The following AFF1 variants were observed in gnomAD, a reference collection of about 807,000 sequenced individuals.
The protein encoded by AFF1 is AF4/FMR2 family member 1.
In AFF1, 48 loss-of-function variants were observed where a neutral mutation model predicts 121.7. That is an observed-to-expected ratio of 0.39 (90% CI 0.31 to 0.50). The LOEUF is 0.50. AFF1 is among the 20% of genes least tolerant of loss of function. The pLI is 0.76. For synonymous variants in AFF1, 613 were observed against 563.0 expected (o/e 1.09, Z -1.26); for missense variants, 1,523 against 1,511.7 (o/e 1.01, Z -0.12).
intron 4 of AFF1, among the ~76,000 whole-genome samples, chr4:87,076,693 T>C (rs1398673443): frequency 6.6e-6 from 1 of 152,250 alleles, no homozygotes; most frequent in Non-Finnish European, 1.5e-5. Context: ...ATTTGGACTA[T>C]AACTGTGCTC....
chr4:86,979,786 A>G (rs985706095), intron 2 of AFF1, among the ~76,000 whole-genome samples: 25 of 152,198 alleles, frequency 1.6e-4, no homozygotes, highest in South Asian at 2.1e-4. Context: ...TACTGTGCTT[A>G]CATACATAGC....
chr4:86,981,154 A>G (rs1690014192), intron 2 of AFF1, among the ~76,000 whole-genome samples: 1 of 151,352 alleles, frequency 6.6e-6, no homozygotes, highest in African/African-American at 2.4e-5. Context: ...CTGGGACCAC[A>G]GGTGCCCACC....
At chr4:86,980,419 C>T (rs1723645228) in intron 2 of AFF1, among the ~76,000 whole-genome samples, 1 of 152,150 alleles carries the variant, frequency 6.6e-6, no homozygotes, top group Non-Finnish European at 1.5e-5. Flanking sequence ...TTTGAGGCCG[C>T]AGTGTGCTGT....
At chr4:86,960,988 G>A (rs1722102964) in intron 2 of AFF1, among the ~76,000 whole-genome samples, 3 of 152,214 alleles carry the variant, frequency 2.0e-5, no homozygotes, top group Admixed American at 6.5e-5. Context: ...GAAAGGAGCA[G>A]AGGTCACAGC....
chr4:87,133,767 T>C (rs1380808592), intron 19 of AFF1, among the ~76,000 whole-genome samples: 1 of 152,218 alleles, frequency 6.6e-6, no homozygotes, highest in African/African-American at 2.4e-5. Flanking sequence ...CATCTTTCCA[T>C]TTTATATTCA....
intron 2 of AFF1, among the ~76,000 whole-genome samples, chr4:86,956,457 T>C (rs1439611522): frequency 1.3e-5 from 2 of 152,358 alleles, no homozygotes; most frequent in Non-Finnish European, 2.9e-5. Flanking sequence ...GAAGTAACTT[T>C]ATTGAGGTGT....
At chr4:87,006,862 G>T (rs912756635) in intron 2 of AFF1, 7 of 725,232 alleles carry the variant, frequency 9.7e-6, no homozygotes, top group Middle Eastern at 6.5e-4. Flanking sequence ...CCTGCCTGCC[G>T]CTTGCCGCCT....
chr4:87,040,767 T>G (rs989732785), intron 2 of AFF1, among the ~76,000 whole-genome samples: 1 of 149,960 alleles, frequency 6.7e-6, no homozygotes, highest in Non-Finnish European at 1.5e-5. Context: ...GACATAGGGT[T>G]TCACTATGTT....
At chr4:87,004,920 T>A (rs1725979787) in intron 2 of AFF1, among the ~76,000 whole-genome samples, 2 of 152,392 alleles carry the variant, frequency 1.3e-5, no homozygotes, top group South Asian at 2.1e-4. Flanking sequence ...GAATCTGAAA[T>A]GAGCTTTTTA....
At chr4:86,995,784 T>C (rs1443428841) in intron 2 of AFF1, among the ~76,000 whole-genome samples, 1 of 148,900 alleles carries the variant, frequency 6.7e-6, no homozygotes, top group Non-Finnish European at 1.5e-5. Context: ...TCGTCTGGGA[T>C]GTGAGGAGCC....
intron 4 of AFF1, among the ~76,000 whole-genome samples, chr4:87,052,790 A>G (rs1326581837): frequency 6.6e-6 from 1 of 151,962 alleles, no homozygotes; most frequent in African/African-American, 2.4e-5. Flanking sequence ...TATGAAGTGG[A>G]CAAGTTCTGG....
chr4:86,994,697 CAG>C (rs1724981918), intron 2 of AFF1, among the ~76,000 whole-genome samples: 1 of 152,120 alleles, frequency 6.6e-6, no homozygotes, highest in Non-Finnish European at 1.5e-5. Context: ...GATAAGCTAT[CAG>C]AGAAGGCTTC....
intron 11 of AFF1, among the ~76,000 whole-genome samples, chr4:87,110,243 G>A (rs576555553): frequency 2.8e-4 from 42 of 151,224 alleles, no homozygotes; most frequent in African/African-American, 1.0e-3. Context: ...ATATATGAGT[G>A]CGTGACATAT....
chr4:87,097,006 A>T (rs1303909130), intron 8 of AFF1, among the ~76,000 whole-genome samples: 1 of 152,190 alleles, frequency 6.6e-6, no homozygotes, highest in African/African-American at 2.4e-5. Context: ...AAACCAGTTG[A>T]TGGCTGGTAA....
At chr4:87,053,994 C>T (rs904834209) in intron 4 of AFF1, among the ~76,000 whole-genome samples, 7 of 152,114 alleles carry the variant, frequency 4.6e-5, no homozygotes, top group Non-Finnish European at 8.8e-5. Flanking sequence ...TGTCAGTATT[C>T]CAGGAAGAAG....
rs180992856 is a variant in AFF1 at position 87,002,149 on chromosome 4, G to A, written c.39-44017G>A. ...GAGACGGTCTTGCTCTGTTGCCCAA[G>A]CTGGAGTGAAGTGGCTCACTGTAAT... On this transcript the variant is annotated intron_variant, in intron 2 of 20. Coordinates refer to ENST00000395146, the MANE Select transcript of AFF1 (RefSeq NM_001166693.3). Among the ~76,000 whole-genome samples the A allele has an allele frequency of 3.0e-3, 452 of 149,142 alleles. 3 individuals carry two copies. Among genetic ancestry groups the A allele is most frequent in the African/African-American group, 0.011 (434 of 40,454 alleles).
intron 4 of AFF1, among the ~76,000 whole-genome samples, chr4:87,070,943 C>G (rs1721971686): frequency 6.6e-6 from 1 of 152,154 alleles, no homozygotes; most frequent in Non-Finnish European, 1.5e-5. Flanking sequence ...TTAAGGTTAG[C>G]TATAGTGAGT....
chr4:86,939,266 G>A (rs1383455760), intron 1 of AFF1, among the ~76,000 whole-genome samples: 2 of 148,558 alleles, frequency 1.3e-5, no homozygotes, highest in Non-Finnish European at 3.0e-5. Context: ...AGGAAATTGA[G>A]TTGAAGAAGT....
chr4:87,109,053 T>C (rs1314597736), intron 11 of AFF1, among the ~76,000 whole-genome samples: 1 of 152,176 alleles, frequency 6.6e-6, no homozygotes, highest in Admixed American at 6.5e-5. Flanking sequence ...CCTCAAAATT[T>C]GGGTAGCATT....
Sources: allele counts gnomAD v4.1 joint callset (sites outside exome capture counted in the v4.1 genomes callset), GRCh38; gene constraint gnomAD v4.1.1; transcripts MANE v1.5; gene names NCBI Gene and HGNC (gene_info 2026-07-23, HGNC 2026-07-21).